Variants in CBR4 observed in about 807,000 individuals in gnomAD.
CBR4 encodes 3-oxoacyl-[acyl-carrier-protein] reductase.
In CBR4, 22 loss-of-function variants were observed where a neutral mutation model predicts 21.0. That is an observed-to-expected ratio of 1.05 (90% confidence interval 0.75 to 1.50). The LOEUF is 1.50. CBR4 is among the 40% of genes most tolerant of loss of function. The pLI is 0.00. For synonymous variants in CBR4, 100 were observed against 104.4 expected, an observed-to-expected ratio of 0.96 and a Z score of 0.26; for missense variants, 302 against 286.3, an observed-to-expected ratio of 1.05 and a Z score of -0.40.
chr4:168,918,325 G>GATTAT (rs1553981958), intron 2 of CBR4, among the ~76,000 whole-genome samples: 3 of 149,460 alleles, frequency 2.0e-5, no homozygotes, highest in Non-Finnish European at 4.5e-5. Context: ...GAAAATATGA[G>GATTAT]ATATATATAT....
In CBR4 at chr4:169,010,041, C is replaced by T; in HGVS notation, c.49G>A (p.Ala17Thr). ...TTCCGGGCCATTAACTGGGCCACAGCTCTGCCAATGCCTCGGGAGCCTCCA... is the reference window on the plus strand; with the variant it reads ...TTCCGGGCCATTAACTGGGCCACAGTTCTGCCAATGCCTCGGGAGCCTCCA... Reference protein sequence around the residue: ...VFGGSRGIGRAVAQLMARKGY... With the variant: ...VFGGSRGIGRTVAQLMARKGY... The change falls in exon 1 of 5, where the codon GCT becomes ACT. Residue 17 changes from alanine to threonine, a missense_variant. Transcript: ENST00000306193. The T allele has an allele frequency of 1.9e-6, 3 of 1,613,982 alleles. No homozygotes were observed. Among genetic ancestry groups the T allele is most frequent in the Non-Finnish European group, 1.7e-6 (2 of 1,179,988 alleles).
At chr4:168,976,154 C>G (rs1318663309) in intron 2 of CBR4, among the ~76,000 whole-genome samples, 3 of 152,182 alleles carry the variant, frequency 2.0e-5, no homozygotes, top group Non-Finnish European at 4.4e-5. Flanking sequence ...CACGCTTAGT[C>G]AAAATTATCA....
Position 168,920,507 on chromosome 4 carries a change from G to A in CBR4, n.170-25742C>T, listed in dbSNP as rs145237816. ...TAACTTCGTACTAGTAAAGTTGGGGGTAGGGGGTAAAAAGGCCTTCCTTAA... is the reference window on the plus strand; with the variant it reads ...TAACTTCGTACTAGTAAAGTTGGGGATAGGGGGTAAAAAGGCCTTCCTTAA... On this transcript the variant is annotated intron_variant and non_coding_transcript_variant, in intron 2 of 3. Coordinates refer to the CBR4 transcript ENST00000509108. Among the ~76,000 whole-genome samples the A allele has an allele frequency of 7.1e-4, 108 of 152,238 alleles. 3 individuals are homozygous for A. The highest frequency in any genetic ancestry group is 4.6e-4 in the Non-Finnish European group (31 of 68,002).
intron 3 of CBR4, among the ~76,000 whole-genome samples, chr4:169,003,718 A>C (rs1413644318): frequency 2.0e-5 from 3 of 152,222 alleles, no homozygotes. Flanking sequence ...ACAATGACAG[A>C]CTGGATTAAG....
At chr4:168,906,055 A>C (rs2151330925) in intron 2 of CBR4, among the ~76,000 whole-genome samples, 1 of 152,166 alleles carries the variant, frequency 6.6e-6, no homozygotes, top group South Asian at 2.1e-4. Flanking sequence ...TCTAGCTTTT[A>C]GTTTAGTTTT....
chr4:168,990,377 C>G, intron 4 of CBR4, 49 bp from the exon 5 acceptor site: 2 of 1,359,448 alleles, frequency 1.5e-6, no homozygotes, highest in Non-Finnish European at 1.9e-6. Context: ...ACTAAGACAT[C>G]TGCTGAATTT....
chr4:168,911,998 G>A (rs1245004317), intron 2 of CBR4, among the ~76,000 whole-genome samples: 2 of 151,906 alleles, frequency 1.3e-5, no homozygotes, highest in African/African-American at 2.4e-5. Flanking sequence ...TGCCTTTTCT[G>A]GGTGGTTATA....
chr4:169,008,089 G>A lies in CBR4; in HGVS notation c.143-333C>T, dbSNP rs192285117. On this transcript the variant is annotated intron_variant, in intron 1 of 4. Transcript: ENST00000306193. ...ACACTGAATTCATGCTACCCAATTC[G>A]ACAGTCTTCTGGGTTTTATATTCCT... 2.3e-3 allele frequency among the ~76,000 whole-genome samples: 357 copies of A among 152,228 alleles called. 1 individual carries two copies. The highest frequency in any genetic ancestry group is 8.4e-3 in the African/African-American group (350 of 41,520).
chr4:169,002,189 T>C lies in CBR4; in HGVS notation c.417A>G (p.Leu139=). 1 of 1,429,748 alleles carries C rather than the reference T, an allele frequency of 7.0e-7. No individual in the cohort carries two copies. Among genetic ancestry groups the C allele is most frequent in the Non-Finnish European group, 9.2e-7 (1 of 1,088,414 alleles). 88.6% of individuals were successfully genotyped at this position (1,429,748 alleles called of 1,614,324 possible). The change falls in exon 4 of 5, where the codon TTA becomes TTG. Residue 139 remains leucine, a synonymous_variant. Transcript: ENST00000306193. The part of the protein sequence containing the change: ...SIVNVGSIVG[L]KGNSGQSVYS... ...AAACGGACTGGCCAGAGTTGCCTTTTAAGCCAACAATGCTTCCTAGGACAA... is the reference window on the plus strand; with the variant it reads ...AAACGGACTGGCCAGAGTTGCCTTTCAAGCCAACAATGCTTCCTAGGACAA...
chr4:168,985,178 T>A (rs1441925483), downstream of CBR4, among the ~76,000 whole-genome samples: 1 of 151,982 alleles, frequency 6.6e-6, no homozygotes, highest in Non-Finnish European at 1.5e-5. Context: ...CCAGAATCTA[T>A]CAGGAACTCA....
In CBR4 at chr4:168,902,058, ATAAT is replaced by A. The variant is rs746624544; in HGVS notation, n.170-7297_170-7294del. Among the ~76,000 whole-genome samples, 4 of 152,300 alleles carry A rather than the reference ATAAT, an allele frequency of 2.6e-5. No homozygotes were observed. In the East Asian group the frequency reaches 7.7e-4, roughly 29 times the overall value. On this transcript the variant is annotated intron_variant and non_coding_transcript_variant, in intron 2 of 3. Transcript: ENST00000509108. Reference sequence around the variant, plus strand: ...GAAAAGTTAGAGCAGTCATATCCTGATAATTCATCCATTTATTTAGTGCTATATA... The same window carrying A: ...GAAAAGTTAGAGCAGTCATATCCTGATCATCCATTTATTTAGTGCTATATA...
intron 3 of CBR4, chr4:169,005,810 A>G: frequency 9.5e-7 from 1 of 1,057,744 alleles, no homozygotes; most frequent in Non-Finnish European, 1.3e-6. Context: ...TCCTTTTCTC[A>G]CTTTCAAAAC....
At chr4:168,958,048 C>T (rs1253747144) in intron 2 of CBR4, among the ~76,000 whole-genome samples, 4 of 152,206 alleles carry the variant, frequency 2.6e-5, no homozygotes, top group East Asian at 3.9e-4. Flanking sequence ...AAATTACCCA[C>T]GAGGTCAATA....
intron 2 of CBR4, chr4:168,928,412 A>AAAT (rs1762827912): frequency 5.5e-6 from 1 of 180,382 alleles, no homozygotes; most frequent in African/African-American, 2.4e-5. Flanking sequence ...AATATTTGAC[A>AAAT]AATAATAGTT....
At chr4:168,894,800 G>A in intron 2 of CBR4, 3 of 1,487,756 alleles carry the variant, frequency 2.0e-6, no homozygotes, top group Non-Finnish European at 2.7e-6. Flanking sequence ...CAGAAAAGCA[G>A]TATTAATATC....
At chr4:168,945,810 T>C (rs1763382122) in intron 2 of CBR4, among the ~76,000 whole-genome samples, 2 of 152,150 alleles carry the variant, frequency 1.3e-5, no homozygotes, top group Admixed American at 6.5e-5. Context: ...ACTTAGACAA[T>C]TTTGTGTTTA....
chr4:168,998,045 G>C (rs1765290081), intron 4 of CBR4, among the ~76,000 whole-genome samples: 1 of 152,138 alleles, frequency 6.6e-6, no homozygotes, highest in Admixed American at 6.6e-5. Context: ...TATCTTCTCT[G>C]AGTAGCTAAC....
At chr4:168,963,470 C>CTTTT (rs398064262) in intron 2 of CBR4, among the ~76,000 whole-genome samples, 3 of 137,532 alleles carry the variant, frequency 2.2e-5, no homozygotes, top group South Asian at 2.3e-4. Flanking sequence ...CTGTATAAAT[C>CTTTT]TTTTTTTTTT....
intron 2 of CBR4, among the ~76,000 whole-genome samples, chr4:168,966,537 A>C (rs1764039940): frequency 6.6e-6 from 1 of 152,030 alleles, no homozygotes; most frequent in Non-Finnish European, 1.5e-5. Flanking sequence ...AAAGAAAAAA[A>C]AAAAGAAAAA....
Sources: allele counts gnomAD v4.1 joint callset (sites outside exome capture counted in the v4.1 genomes callset), GRCh38; gene constraint gnomAD v4.1.1; transcripts MANE v1.5; gene names NCBI Gene and HGNC (gene_info 2026-07-23, HGNC 2026-07-21).